GRIK4: variants seen among roughly 807,000 people sequenced by gnomAD.
GRIK4 encodes glutamate ionotropic receptor kainate type subunit 4, also known as glutamate receptor ionotropic, kainate 4.
GRIK4 carries 40 observed loss-of-function variants against 104.9 expected under a neutral mutation model. The ratio of observed to expected loss-of-function variants is 0.38; its 90% confidence interval spans 0.30 to 0.50. GRIK4 has a LOEUF of 0.50. Among genes scored for constraint, GRIK4 ranks in the 20% least tolerant of loss-of-function variants. GRIK4 has a pLI of 0.93. For synonymous variants in GRIK4, 485 were observed against 524.9 expected (o/e 0.92, Z 1.04); for missense variants, 1,047 against 1,308.1 (o/e 0.80, Z 3.08).
At chr11:120,603,129 G>A (rs1450844927) in intron 1 of GRIK4, among the ~76,000 whole-genome samples, 1 of 152,238 alleles carries the variant, frequency 6.6e-6, no homozygotes, top group African/African-American at 2.4e-5. Flanking sequence ...CAAATGGGGA[G>A]ACTGAGTCCC....
At chr11:120,847,857 A>G (rs905297869) in intron 8 of GRIK4, among the ~76,000 whole-genome samples, 5 of 152,200 alleles carry the variant, frequency 3.3e-5, no homozygotes, top group Non-Finnish European at 7.3e-5. Flanking sequence ...AGACCCAGGG[A>G]TTACCACTTG....
intron 3 of GRIK4, among the ~76,000 whole-genome samples, chr11:120,798,658 T>G (rs144268282): frequency 2.0e-3 from 311 of 152,166 alleles, no homozygotes; most frequent in African/African-American, 6.8e-3. Flanking sequence ...TTTTTTGTAT[T>G]TTTAGTAGAG....
chr11:120,801,793 T>A (rs1447397700), intron 3 of GRIK4, among the ~76,000 whole-genome samples: 2 of 152,232 alleles, frequency 1.3e-5, no homozygotes, highest in Admixed American at 1.3e-4. Flanking sequence ...GAGTGCCTCC[T>A]GTGTGCAAGA....
At chr11:120,855,107 C>A (rs551237068) in intron 8 of GRIK4, among the ~76,000 whole-genome samples, 1 of 152,112 alleles carries the variant, frequency 6.6e-6, no homozygotes, top group African/African-American at 2.4e-5. Flanking sequence ...CACAGGCCAG[C>A]GGGGAAGCAT....
chr11:120,666,984 A>C (rs1949925640), intron 3 of GRIK4, among the ~76,000 whole-genome samples: 1 of 152,182 alleles, frequency 6.6e-6, no homozygotes, highest in African/African-American at 2.4e-5. Context: ...TCCTTGTAAA[A>C]AAGTGTTTTC....
rs559813279 is a variant in GRIK4, at chr11:120,902,882, C to A, written c.1273-2408C>A. ...CGGCGTGTGTGGAAGGCAGGCTGAC[C>A]GTTCCTATCTCATTGACGTGACAGT... On this transcript the variant is annotated intron_variant, in intron 12 of 20. Coordinates refer to ENST00000527524, the MANE Select transcript of GRIK4 (RefSeq NM_014619.5). The surrounding 1 kb of genome is among the most constrained non-coding windows in gnomAD (Gnocchi z 4.5). Among the ~76,000 whole-genome samples the A allele has an allele frequency of 6.6e-6, 1 of 152,054 alleles. No homozygotes were observed.
At position 120,772,806 on chromosome 11, in the gene GRIK4, C is replaced by A. The variant is rs191370214; in HGVS notation, c.83-29887C>A. On this transcript the variant is annotated intron_variant, in intron 3 of 20. Coordinates refer to ENST00000527524, the MANE Select transcript of GRIK4 (RefSeq NM_014619.5). ...ATTGGCCTTACACAGGGGAGGGATA[C>A]CTCTTCCCTGGGACAGAAGGGAAAG... 5.3e-5 allele frequency among the ~76,000 whole-genome samples: 8 copies of A among 151,856 alleles called. No homozygotes were observed. In the East Asian group the frequency reaches 1.5e-3, roughly 29 times the overall value.
intron 1 of GRIK4, among the ~76,000 whole-genome samples, chr11:120,538,781 A>G (rs1348232018): frequency 6.6e-6 from 1 of 152,246 alleles, no homozygotes; most frequent in Non-Finnish European, 1.5e-5. Flanking sequence ...AACCAATGCA[A>G]CATATTGACA....
At chr11:120,901,526 AT>A in intron 12 of GRIK4, among the ~76,000 whole-genome samples, 1 of 151,816 alleles carries the variant, frequency 6.6e-6, no homozygotes, top group Non-Finnish European at 1.5e-5. Context: ...GCCCCCTCCC[AT>A]TTCTCTTATT....
intron 3 of GRIK4, among the ~76,000 whole-genome samples, chr11:120,752,372 C>T (rs908215892): frequency 4.6e-5 from 7 of 152,190 alleles, no homozygotes; most frequent in Admixed American, 3.9e-4. Flanking sequence ...GCAGAGCCCC[C>T]CCATGATCTG....
intron 9 of GRIK4, chr11:120,862,354 G>A (rs1388909749): frequency 1.2e-5 from 5 of 425,042 alleles, no homozygotes; most frequent in Non-Finnish European, 2.1e-5. Context: ...TTGTCACTTA[G>A]TGATGGCTGC....
rs112248288 is a variant in GRIK4 at position 120,534,175 on chromosome 11, G to A, written c.-159+22288G>A. On this transcript the variant is annotated intron_variant, in intron 1 of 20. Transcript: ENST00000527524. ...CTAGGGGCTGGTGGATGTGGGTGGT[G>A]GGTGGTGGGTGGAAGGCAGGTGTTT... Among the ~76,000 whole-genome samples, 713 of 152,238 alleles carry A rather than the reference G, an allele frequency of 4.7e-3. 11 individuals carry two copies. Among genetic ancestry groups the A allele is most frequent in the African/African-American group, 0.016 (659 of 41,542 alleles).
chr11:120,796,842 G>A (rs1052231060), intron 3 of GRIK4, among the ~76,000 whole-genome samples: 8 of 151,432 alleles, frequency 5.3e-5, no homozygotes, highest in African/African-American at 9.7e-5. Flanking sequence ...ATGCCCTCTC[G>A]GGGTCGCCAC....
At chr11:120,558,566 C>A (rs1027038937) in intron 1 of GRIK4, among the ~76,000 whole-genome samples, 2 of 152,108 alleles carry the variant, frequency 1.3e-5, no homozygotes, top group Admixed American at 6.5e-5. Context: ...CCAGCCTGGG[C>A]GACAGAGCGA....
intron 3 of GRIK4, among the ~76,000 whole-genome samples, chr11:120,768,478 A>G (rs1951878761): frequency 2.0e-5 from 3 of 152,048 alleles, no homozygotes. Context: ...TACATATAGG[A>G]TCATGTCGTC....
intron 11 of GRIK4, among the ~76,000 whole-genome samples, chr11:120,890,821 G>A (rs1955267432): frequency 1.3e-5 from 2 of 152,180 alleles, no homozygotes; most frequent in Non-Finnish European, 2.9e-5. Flanking sequence ...GAATGCAAAG[G>A]TGATCAATAA....
At chr11:120,666,898 A>G (rs757544224) in intron 3 of GRIK4, among the ~76,000 whole-genome samples, 2 of 152,188 alleles carry the variant, frequency 1.3e-5, no homozygotes, top group Non-Finnish European at 2.9e-5. Context: ...ACGTCTTGGG[A>G]TGTGGAGTGA....
At chr11:120,632,737 T>C (rs941589479) in intron 1 of GRIK4, among the ~76,000 whole-genome samples, 2 of 152,224 alleles carry the variant, frequency 1.3e-5, no homozygotes, top group Non-Finnish European at 1.5e-5. Flanking sequence ...TCTGAGGATC[T>C]CCTGCAACCC....
rs77454413 is a variant in GRIK4, at chr11:120,793,916, G to A, written c.83-8777G>A. Among the ~76,000 whole-genome samples, 1,134 of 150,820 alleles carry A rather than the reference G, an allele frequency of 7.5e-3. 7 individuals carry two copies. The highest frequency in any genetic ancestry group is 0.013 in the Non-Finnish European group (898 of 67,854). On this transcript the variant is annotated intron_variant, in intron 3 of 20. Coordinates refer to ENST00000527524, the MANE Select transcript of GRIK4 (RefSeq NM_014619.5). ...GAGCGGTATTAGGGGCAGAGAGCCA[G>A]GCGGTGTTTAGGGGCTGAGAGCAGG...
Sources: gnomAD v4.1 joint callset for allele counts (sites outside exome capture counted in the v4.1 genomes callset) on GRCh38, gnomAD v4.1.1 for gene constraint, Gnocchi (gnomAD v3.1) non-coding constraint, MANE v1.5 for transcripts, NCBI Gene and HGNC (gene_info 2026-07-23, HGNC 2026-07-21) for gene names.